The following VEPH1 variants were observed in gnomAD, a reference collection of about 807,000 sequenced individuals.
VEPH1 encodes the protein ventricular zone-expressed PH domain-containing protein homolog 1.
VEPH1 carries 80 observed loss-of-function variants against 85.2 expected under a neutral mutation model. That is an observed-to-expected ratio of 0.94 (90% CI 0.78 to 1.13). VEPH1 has a LOEUF of 1.13. VEPH1 is among the 50% of genes most tolerant of loss of function. The probability of loss-of-function intolerance (pLI) is 0.00; values close to 1 mark genes in which losing one functional copy is unlikely to be tolerated. For missense variants in VEPH1, 955 were observed against 980.5 expected (o/e 0.97, Z 0.35); for synonymous variants, 297 against 348.0 (o/e 0.85, Z 1.63).
chr3:157,463,898 G>A (rs1297602435), intron 3 of VEPH1, among the ~76,000 whole-genome samples: 3 of 152,124 alleles, frequency 2.0e-5, no homozygotes, highest in South Asian at 2.1e-4. Flanking sequence ...GGTAGACCAC[G>A]GTGAAACCTG....
rs368748738 is a variant in VEPH1 at position 157,488,503 on chromosome 3, C to CTTTTT, written c.138+6708_138+6709insAAAAA. Among the ~76,000 whole-genome samples the CTTTTT allele has an allele frequency of 3.0e-5, 4 of 134,210 alleles. 1 individual carries two copies. Among genetic ancestry groups the CTTTTT allele is most frequent in the Non-Finnish European group, 4.7e-5 (3 of 63,506 alleles). 88.0% of individuals were successfully genotyped at this position (134,210 alleles called of 152,430 possible). On this transcript the variant is annotated intron_variant, in intron 2 of 13. Coordinates refer to ENST00000362010, the MANE Select transcript of VEPH1 (RefSeq NM_001167912.2). ...CATGATTTTCTGACTTTCTTTCTTT[C>CTTTTT]TTTCTTTTTTTTTTTTTTTACTGGA... is the stretch of plus-strand genomic sequence containing the variant.
At chr3:157,319,541 A>G (rs958535640) in intron 9 of VEPH1, among the ~76,000 whole-genome samples, 4 of 152,262 alleles carry the variant, frequency 2.6e-5, no homozygotes, top group Non-Finnish European at 5.9e-5. Context: ...CATACAAAAA[A>G]TGGTATTTGA....
chr3:157,406,069 A>C (rs1731118197), intron 6 of VEPH1, among the ~76,000 whole-genome samples: 1 of 152,202 alleles, frequency 6.6e-6, no homozygotes, highest in African/African-American at 2.4e-5. Context: ...ATTTACAGTT[A>C]ACATGTACCC....
At chr3:157,428,789 G>A (rs1732934660) in intron 4 of VEPH1, among the ~76,000 whole-genome samples, 1 of 152,124 alleles carries the variant, frequency 6.6e-6, no homozygotes, top group Non-Finnish European at 1.5e-5. Context: ...CCTTGAGAAG[G>A]AAACAGTTCC....
intron 7 of VEPH1, among the ~76,000 whole-genome samples, chr3:157,374,468 T>C (rs550488708): frequency 9.8e-5 from 15 of 152,384 alleles, no homozygotes; most frequent in African/African-American, 3.6e-4. Context: ...AATTTCTCTT[T>C]GTACGAACAT....
intron 11 of VEPH1, among the ~76,000 whole-genome samples, chr3:157,310,823 T>A (rs1164981904): frequency 1.3e-5 from 2 of 152,094 alleles, no homozygotes; most frequent in African/African-American, 4.8e-5. Flanking sequence ...GTGACACATA[T>A]CCCCTCCCAT....
intron 1 of VEPH1, among the ~76,000 whole-genome samples, chr3:157,500,641 T>A (rs1269325560): frequency 6.6e-6 from 1 of 152,230 alleles, no homozygotes; most frequent in East Asian, 1.9e-4. Flanking sequence ...TGAAGTTTCG[T>A]CTTTTAATGG....
At chr3:157,303,653 C>G (rs1010347122) in intron 11 of VEPH1, among the ~76,000 whole-genome samples, 1 of 152,176 alleles carries the variant, frequency 6.6e-6, no homozygotes, top group African/African-American at 2.4e-5. Flanking sequence ...ATTCCACCTT[C>G]AATCTGCCCT....
intron 9 of VEPH1, among the ~76,000 whole-genome samples, chr3:157,360,327 G>T (rs1303200107): frequency 6.6e-6 from 1 of 152,066 alleles, no homozygotes; most frequent in East Asian, 1.9e-4. Context: ...AATTGCCCAG[G>T]AAATTCCGAG....
intron 2 of VEPH1, among the ~76,000 whole-genome samples, chr3:157,475,211 T>C (rs1267993068): frequency 6.6e-6 from 1 of 151,072 alleles, no homozygotes; most frequent in Non-Finnish European, 1.5e-5. Flanking sequence ...TGGCTAGTCT[T>C]GAACTCCTAG....
intron 9 of VEPH1, among the ~76,000 whole-genome samples, chr3:157,345,436 T>A (rs1359132700): frequency 6.6e-6 from 1 of 152,172 alleles, no homozygotes; most frequent in Non-Finnish European, 1.5e-5. Flanking sequence ...AAAATGTTCA[T>A]CATCACTGGC....
chr3:157,367,702 G>T (rs1340697888), intron 7 of VEPH1, among the ~76,000 whole-genome samples: 12 of 152,080 alleles, frequency 7.9e-5, no homozygotes, highest in Admixed American at 7.9e-4. Context: ...TAGAGATGGG[G>T]GTCTTGCCAT....
intron 2 of VEPH1, among the ~76,000 whole-genome samples, chr3:157,492,446 G>C (rs1739303821): frequency 6.6e-6 from 1 of 152,126 alleles, no homozygotes; most frequent in East Asian, 1.9e-4. Flanking sequence ...TCTGACAGTT[G>C]ATGGCTACAA....
chr3:157,430,945 C>A (rs1352057467), intron 4 of VEPH1, among the ~76,000 whole-genome samples: 1 of 152,178 alleles, frequency 6.6e-6, no homozygotes, highest in Non-Finnish European at 1.5e-5. Context: ...TGGGTTCCTT[C>A]CTGGATGCTC....
intron 12 of VEPH1, among the ~76,000 whole-genome samples, chr3:157,270,115 C>A (rs528067401): frequency 1.5e-4 from 23 of 152,024 alleles, no homozygotes; most frequent in Non-Finnish European, 2.6e-4. Context: ...AAATAATTAG[C>A]TGGGCACGGT....
intron 12 of VEPH1, among the ~76,000 whole-genome samples, chr3:157,271,482 C>G (rs1559912687): frequency 6.6e-6 from 1 of 152,166 alleles, no homozygotes; most frequent in South Asian, 2.1e-4. Flanking sequence ...AGGCCTAACA[C>G]TCCTCCGCCT....
chr3:157,455,597 C>T (rs1735310525), intron 4 of VEPH1, among the ~76,000 whole-genome samples: 1 of 152,076 alleles, frequency 6.6e-6, no homozygotes, highest in Non-Finnish European at 1.5e-5. Context: ...CTCCAATAGG[C>T]CCCAGTATCT....
At chr3:157,481,044 T>C (rs947180021) in intron 2 of VEPH1, among the ~76,000 whole-genome samples, 1 of 152,200 alleles carries the variant, frequency 6.6e-6, no homozygotes, top group Non-Finnish European at 1.5e-5. Context: ...ATTTCTCTGA[T>C]GACTGCTAAA....
At chr3:157,418,846 G>A (rs1168699295) in intron 5 of VEPH1, among the ~76,000 whole-genome samples, 1 of 152,112 alleles carries the variant, frequency 6.6e-6, no homozygotes, top group Non-Finnish European at 1.5e-5. Flanking sequence ...AAGTCATTTG[G>A]AACCAAAGAA....
Sources: allele counts gnomAD v4.1 joint callset (sites outside exome capture counted in the v4.1 genomes callset), GRCh38; gene constraint gnomAD v4.1.1; transcripts MANE v1.5; gene names NCBI Gene and HGNC (gene_info 2026-07-23, HGNC 2026-07-21).